The following RIT2 variants were observed in gnomAD, a reference collection of about 807,000 sequenced individuals.
The protein encoded by RIT2 is GTP-binding protein Rit2.
A neutral mutation model predicts 23.7 loss-of-function variants in RIT2; 24 were observed. That is an observed-to-expected ratio of 1.01 (90% CI 0.73 to 1.43). RIT2 has a LOEUF of 1.43. Among genes scored for constraint, RIT2 ranks in the 40% most tolerant of loss-of-function variants. The pLI, the probability that RIT2 is intolerant of heterozygous loss-of-function variation, is 0.00. For missense variants in RIT2, 236 were observed against 266.9 expected, an observed-to-expected ratio of 0.88 and a Z score of 0.81; for synonymous variants, 107 against 91.1, an observed-to-expected ratio of 1.17 and a Z score of -0.99.
intron 4 of RIT2, among the ~76,000 whole-genome samples, chr18:42,841,674 T>C (rs1193418088): frequency 6.6e-6 from 1 of 152,218 alleles, no homozygotes; most frequent in Non-Finnish European, 1.5e-5. Flanking sequence ...AACTATATTG[T>C]ACCAGTGAAA....
chr18:42,757,458 A>T (rs1913190401), intron 4 of RIT2, among the ~76,000 whole-genome samples: 1 of 152,160 alleles, frequency 6.6e-6, no homozygotes, highest in Non-Finnish European at 1.5e-5. Flanking sequence ...CAATCAACCT[A>T]TATATCTTTT....
At chr18:43,091,196 T>C (rs983142806) in intron 1 of RIT2, among the ~76,000 whole-genome samples, 1 of 151,890 alleles carries the variant, frequency 6.6e-6, no homozygotes, top group Non-Finnish European at 1.5e-5. Context: ...ATTTAATGTA[T>C]ATACATCAAA....
chr18:42,969,622 G>A (rs904851683), intron 3 of RIT2, among the ~76,000 whole-genome samples: 1 of 151,026 alleles, frequency 6.6e-6, no homozygotes, highest in African/African-American at 2.4e-5. Flanking sequence ...CCAAAGCCAG[G>A]TATGGGGCAA....
At chr18:43,094,114 G>GTTTTTT (rs796958736) in intron 1 of RIT2, among the ~76,000 whole-genome samples, 1 of 63,486 alleles carries the variant, frequency 1.6e-5, no homozygotes. Flanking sequence ...GTATTAGTGG[G>GTTTTTT]TTTTTTTTGT....
intron 4 of RIT2, among the ~76,000 whole-genome samples, chr18:42,845,873 T>A (rs1305224826): frequency 6.6e-6 from 1 of 151,786 alleles, no homozygotes; most frequent in Non-Finnish European, 1.5e-5. Context: ...AAAGAAATAT[T>A]ATATCTTCAA....
In RIT2 at chr18:42,743,704, C is replaced by T. The variant is rs1912850193; in HGVS notation, c.443G>A (p.Gly148Asp). Residue 148 changes from glycine (G) to aspartate (D), a missense_variant, in exon 5 of 5, where the codon GGC becomes GAC. Coordinates refer to ENST00000326695, the MANE Select transcript of RIT2 (RefSeq NM_002930.4). ...EQFRQVSTEE[G>D]LSLAQEYNCG... ...ATTATATTCTTGGGCAAGACTCAAG[C>T]CTTCTTCTGTAGAAACCTAAGGAAA... 3 of 1,611,778 alleles carry T rather than the reference C, an allele frequency of 1.9e-6. No individual in the cohort carries two copies. The highest frequency in any genetic ancestry group is 2.5e-6 in the Non-Finnish European group (3 of 1,178,900).
At position 42,958,982 on chromosome 18, in the gene RIT2, C is replaced by T. The variant is rs1244795471; in HGVS notation, c.234+15092G>A. ...TCCTCCCTTATCTGCCTCCTGAACT[C>T]AAGATCATGTCTTAAAGCCTTCATT... On this transcript the variant is annotated intron_variant, in intron 3 of 4. Transcript: ENST00000326695. 3.3e-5 allele frequency among the ~76,000 whole-genome samples: 5 copies of T among 152,260 alleles called. 1 individual carries two copies. Among genetic ancestry groups the T allele is most frequent in the Admixed American group, 3.3e-4 (5 of 15,288 alleles).
At chr18:42,774,152 A>G (rs1384974830) in intron 4 of RIT2, among the ~76,000 whole-genome samples, 1 of 152,146 alleles carries the variant, frequency 6.6e-6, no homozygotes, top group Non-Finnish European at 1.5e-5. Flanking sequence ...AGCAATTCAG[A>G]CCATTTACAA....
chr18:43,028,173 C>G (rs1911775517), intron 2 of RIT2, among the ~76,000 whole-genome samples: 1 of 151,932 alleles, frequency 6.6e-6, no homozygotes, highest in South Asian at 2.1e-4. Flanking sequence ...GTTTTGCATT[C>G]ATATGTGTGT....
chr18:43,090,186 A>G (rs1913387527), intron 1 of RIT2, among the ~76,000 whole-genome samples: 1 of 151,996 alleles, frequency 6.6e-6, no homozygotes, highest in South Asian at 2.1e-4. Context: ...ACAAGAAACA[A>G]AAAAACATTA....
At chr18:43,093,369 G>A (rs1002847761) in intron 1 of RIT2, among the ~76,000 whole-genome samples, 4 of 152,044 alleles carry the variant, frequency 2.6e-5, no homozygotes, top group African/African-American at 4.8e-5. Flanking sequence ...TGAGGAGATG[G>A]AAATGTGCTT....
chr18:42,946,307 G>T (rs568418878), intron 3 of RIT2, among the ~76,000 whole-genome samples: 12 of 151,994 alleles, frequency 7.9e-5, no homozygotes, highest in Admixed American at 2.0e-4. Flanking sequence ...TGATAATGCT[G>T]TTCTGAAAAC....
intron 2 of RIT2, among the ~76,000 whole-genome samples, chr18:42,987,620 A>G (rs1910741707): frequency 6.6e-6 from 1 of 152,224 alleles, no homozygotes; most frequent in African/African-American, 2.4e-5. Context: ...TTATATCACC[A>G]TTATTCATAC....
intron 1 of RIT2, among the ~76,000 whole-genome samples, chr18:43,039,536 C>G (rs972909842): frequency 1.3e-5 from 2 of 151,864 alleles, no homozygotes; most frequent in African/African-American, 2.4e-5. Flanking sequence ...TTAATAGAGA[C>G]AGGGTTTCTC....
At chr18:42,823,017 C>T (rs959099806) in intron 4 of RIT2, among the ~76,000 whole-genome samples, 2 of 152,032 alleles carry the variant, frequency 1.3e-5, no homozygotes, top group Non-Finnish European at 2.9e-5. Context: ...AAAGCCTATC[C>T]GTGGAGCATC....
chr18:43,044,456 A>G (rs1042631314), intron 1 of RIT2, among the ~76,000 whole-genome samples: 1 of 152,208 alleles, frequency 6.6e-6, no homozygotes, highest in Admixed American at 6.5e-5. Flanking sequence ...TATTTATATT[A>G]AAGTAATGAA....
rs1909459976 is a variant in RIT2 at position 42,936,432 on chromosome 18, A to G, written c.235-12669T>C. Reference sequence around the variant, plus strand: ...TCCTTTTAAGTATGTGAAACAACACAGAAAAGTTCAAGAGATTGTTGTTAA... The same window carrying G: ...TCCTTTTAAGTATGTGAAACAACACGGAAAAGTTCAAGAGATTGTTGTTAA... On this transcript the variant is annotated intron_variant, in intron 3 of 4. Transcript: ENST00000326695. Among the ~76,000 whole-genome samples the G allele has an allele frequency of 2.6e-5, 4 of 152,186 alleles. 1 individual carries two copies. The South Asian group carries it at 8.3e-4, about 32-fold the overall frequency.
At chr18:42,981,447 T>C (rs1262485671) in intron 2 of RIT2, among the ~76,000 whole-genome samples, 4 of 152,132 alleles carry the variant, frequency 2.6e-5, no homozygotes, top group South Asian at 2.1e-4. Flanking sequence ...CTGATGCCCA[T>C]TGAGAAACTA....
At chr18:42,830,060 G>C (rs1393314021) in intron 4 of RIT2, among the ~76,000 whole-genome samples, 1 of 152,110 alleles carries the variant, frequency 6.6e-6, no homozygotes, top group African/African-American at 2.4e-5. Flanking sequence ...AGCAAACAAG[G>C]AGTGAGAATT....
Sources: gnomAD v4.1 joint callset for allele counts (sites outside exome capture counted in the v4.1 genomes callset) on GRCh38, gnomAD v4.1.1 for gene constraint, MANE v1.5 for transcripts, NCBI Gene and HGNC (gene_info 2026-07-23, HGNC 2026-07-21) for gene names.